Variants in GADL1 observed in about 807,000 individuals in gnomAD.
The protein encoded by GADL1 is acidic amino acid decarboxylase GADL1.
GADL1 carries 71 observed loss-of-function variants against 69.5 expected under a neutral mutation model. The ratio of observed to expected loss-of-function variants is 1.02; its 90% CI spans 0.84 to 1.25. The LOEUF is 1.25. GADL1 is among the 50% of genes most tolerant of loss of function. The pLI, the probability that GADL1 is intolerant of heterozygous loss-of-function variation, is 0.00. For synonymous variants in GADL1, 254 were observed against 214.4 expected, an observed-to-expected ratio of 1.18 and a Z score of -1.62; for missense variants, 737 against 631.8, an observed-to-expected ratio of 1.17 and a Z score of -1.79.
At chr3:30,753,151 A>C (rs529815324) in intron 14 of GADL1, among the ~76,000 whole-genome samples, 2 of 152,124 alleles carry the variant, frequency 1.3e-5, no homozygotes, top group Admixed American at 6.5e-5. Context: ...CAATCTTCTA[A>C]GTAACCTTGC....
intron 12 of GADL1, among the ~76,000 whole-genome samples, chr3:30,794,098 G>C (rs1696977491): frequency 6.6e-6 from 1 of 152,150 alleles, no homozygotes; most frequent in African/African-American, 2.4e-5. Flanking sequence ...CCATCACCTA[G>C]AGAAATACAC....
chr3:30,825,606 C>T (rs1697667797), intron 11 of GADL1, among the ~76,000 whole-genome samples: 1 of 151,900 alleles, frequency 6.6e-6, no homozygotes, highest in Non-Finnish European at 1.5e-5. Flanking sequence ...ATTCCAAGAA[C>T]TCAAAAGGGC....
At chr3:30,887,203 G>A (rs1378268129) in intron 1 of GADL1, among the ~76,000 whole-genome samples, 1 of 152,140 alleles carries the variant, frequency 6.6e-6, no homozygotes, top group Non-Finnish European at 1.5e-5. Flanking sequence ...TGAGAAGGAG[G>A]ACACACTAGG....
intron 1 of GADL1, among the ~76,000 whole-genome samples, chr3:30,891,703 C>T (rs575907445): frequency 7.9e-5 from 12 of 151,890 alleles, no homozygotes; most frequent in African/African-American, 2.4e-4. Context: ...GACTTGTTAA[C>T]GAAGGTTACA....
intron 8 of GADL1, among the ~76,000 whole-genome samples, 183 bp from the exon 9 acceptor site, chr3:30,839,296 T>G (rs1195880112): frequency 6.6e-6 from 1 of 151,952 alleles, no homozygotes; most frequent in East Asian, 1.9e-4. Flanking sequence ...ATAAACAGAT[T>G]AAGGAAACAG....
chr3:30,857,110 T>C lies in GADL1; in HGVS notation c.242A>G (p.Lys81Arg), dbSNP rs575389642. The C allele has an allele frequency of 1.5e-5, 23 of 1,550,204 alleles. No homozygotes were observed. In the Admixed American group the frequency reaches 3.1e-4, roughly 21 times the overall value. ...VCEWRPPEQL[K>R]QLLDLEMRDS... ...TCTCATCTCCAAATCAAGAAGCTGT[T>C]TCAGTTGTTCAGGAGGCCTCCATTC... The change falls in exon 3 of 15, where the codon AAA becomes AGA. Residue 81 changes from lysine (K) to arginine (R), a missense_variant. Transcript: ENST00000282538.
chr3:30,856,500 T>C lies in GADL1; in HGVS notation c.337+515A>G, dbSNP rs13321561. Among the ~76,000 whole-genome samples, 1,196 of 152,196 alleles carry C rather than the reference T, an allele frequency of 7.9e-3. 16 individuals are homozygous for C. Among genetic ancestry groups the C allele is most frequent in the African/African-American group, 0.027 (1,126 of 41,540 alleles). On this transcript the variant is annotated intron_variant, in intron 3 of 14. Coordinates refer to ENST00000282538, the MANE Select transcript of GADL1 (RefSeq NM_207359.3). ...TCTTATATCCATCTAAGGGCTTTTATTTATTTGTTTTTGGTACAGCCAGAT... is the reference window on the plus strand; with the variant it reads ...TCTTATATCCATCTAAGGGCTTTTACTTATTTGTTTTTGGTACAGCCAGAT...
At chr3:30,770,520 C>T (rs1696392433) in intron 14 of GADL1, among the ~76,000 whole-genome samples, 1 of 152,152 alleles carries the variant, frequency 6.6e-6, no homozygotes, top group Non-Finnish European at 1.5e-5. Context: ...TAGCTGTGTT[C>T]CTTGGCCTCA....
At chr3:30,805,783 G>A (rs1426383305) in intron 11 of GADL1, among the ~76,000 whole-genome samples, 1 of 129,514 alleles carries the variant, frequency 7.7e-6, no homozygotes, top group African/African-American at 3.3e-5. Context: ...AGTGCTCATG[G>A]GAGACAGTTT....
At chr3:30,884,883 AG>A (rs1698683747) in intron 1 of GADL1, among the ~76,000 whole-genome samples, 1 of 151,958 alleles carries the variant, frequency 6.6e-6, no homozygotes, top group South Asian at 2.1e-4. Flanking sequence ...ACAAAACCCT[AG>A]GAGGTAAGCA....
chr3:30,756,038 T>C (rs1258301370), intron 14 of GADL1, among the ~76,000 whole-genome samples: 1 of 152,080 alleles, frequency 6.6e-6, no homozygotes, highest in African/African-American at 2.4e-5. Flanking sequence ...ACCTTGGGAC[T>C]GTGCAGGAGA....
intron 6 of GADL1, among the ~76,000 whole-genome samples, chr3:30,845,978 A>G (rs1387936796): frequency 6.6e-6 from 1 of 152,140 alleles, no homozygotes; most frequent in East Asian, 1.9e-4. Context: ...TCTTGTAATC[A>G]GAATTAGAAA....
chr3:30,756,682 T>A (rs577725078), intron 14 of GADL1, among the ~76,000 whole-genome samples: 2 of 152,284 alleles, frequency 1.3e-5, no homozygotes, highest in South Asian at 4.2e-4. Context: ...TTAGCCTGAT[T>A]GGGAAGTAGA....
chr3:30,826,550 G>A (rs1697684556), intron 11 of GADL1, among the ~76,000 whole-genome samples: 1 of 151,872 alleles, frequency 6.6e-6, no homozygotes, highest in Non-Finnish European at 1.5e-5. Flanking sequence ...AGTTTAATCA[G>A]TAAGACCAGG....
intron 4 of GADL1, among the ~76,000 whole-genome samples, chr3:30,852,783 C>A (rs1355182989): frequency 6.6e-6 from 1 of 152,050 alleles, no homozygotes; most frequent in Non-Finnish European, 1.5e-5. Flanking sequence ...AGCTTAGCAG[C>A]AATTTAACAC....
intron 11 of GADL1, among the ~76,000 whole-genome samples, chr3:30,817,247 A>G (rs1035389463): frequency 1.3e-5 from 2 of 152,322 alleles, no homozygotes; most frequent in Non-Finnish European, 2.9e-5. Flanking sequence ...CATTGAGAAA[A>G]ATAAATCCCC....
chr3:30,833,523 C>T (rs1007416431), intron 11 of GADL1, among the ~76,000 whole-genome samples: 92 of 151,874 alleles, frequency 6.1e-4, no homozygotes, highest in African/African-American at 2.2e-3. Flanking sequence ...AACTTAAATC[C>T]CAGACTTAAT....
At position 30,834,255 on chromosome 3, in the gene GADL1, C is replaced by A; in HGVS notation, c.930G>T (p.Met310Ile). The change falls in exon 10 of 15, where the codon ATG becomes ATT. Residue 310 changes from methionine to isoleucine, a missense_variant. Met to Ile is a conservative substitution (Grantham distance 10). Transcript: ENST00000282538. ...VDASWGGSAL[M>I]SRKHRKLLHG... ...GCAGAAGCTTGCGGTGCTTCCTCGACATCAAAGCTGAGCCACCCCAAGAAG... is the reference window on the plus strand; with the variant it reads ...GCAGAAGCTTGCGGTGCTTCCTCGAAATCAAAGCTGAGCCACCCCAAGAAG... 6.2e-7 allele frequency: 1 copy of A among 1,612,882 alleles called. No homozygotes were observed.
chr3:30,884,651 G>A (rs894716770), intron 1 of GADL1, among the ~76,000 whole-genome samples: 3 of 151,856 alleles, frequency 2.0e-5, no homozygotes, highest in African/African-American at 4.8e-5. Context: ...ACTATATTAC[G>A]AGTGATAAAA....
Sources: gnomAD v4.1 joint callset for allele counts (sites outside exome capture counted in the v4.1 genomes callset) on GRCh38, gnomAD v4.1.1 for gene constraint, MANE v1.5 for transcripts, NCBI Gene and HGNC (gene_info 2026-07-23, HGNC 2026-07-21) for gene names.